The following HDAC4 variants were observed in gnomAD, a reference collection of about 807,000 sequenced individuals.
HDAC4 encodes the protein histone deacetylase A.
In HDAC4, 16 loss-of-function variants were observed where a neutral mutation model predicts 135.1. That is an observed-to-expected ratio of 0.12 (90% confidence interval 0.08 to 0.18). HDAC4 has a LOEUF of 0.18. HDAC4 is among the 10% of genes least tolerant of loss of function. The probability of loss-of-function intolerance (pLI) is 1.00; values close to 1 mark genes in which losing one functional copy is unlikely to be tolerated. For missense variants in HDAC4, 1,143 were observed against 1,511.8 expected (o/e 0.76, Z 4.05); for synonymous variants, 685 against 653.4 (o/e 1.05, Z -0.74).
At chr2:239,256,032 T>C (rs546487712) in intron 2 of HDAC4, among the ~76,000 whole-genome samples, 1 of 152,360 alleles carries the variant, frequency 6.6e-6, no homozygotes, top group African/African-American at 2.4e-5. Context: ...TCTCGATTAA[T>C]GCAAATATTA....
At chr2:239,180,720 A>G (rs1393561852) in intron 4 of HDAC4, among the ~76,000 whole-genome samples, 1 of 152,184 alleles carries the variant, frequency 6.6e-6, no homozygotes, top group African/African-American at 2.4e-5. Flanking sequence ...ATTGCCCCTC[A>G]TGAGTGCCCC....
chr2:239,211,229 T>C (rs2046342026), intron 3 of HDAC4, among the ~76,000 whole-genome samples: 1 of 152,348 alleles, frequency 6.6e-6, no homozygotes, highest in East Asian at 1.9e-4. Flanking sequence ...GAAGAAAATA[T>C]ATTATTTCTT....
At chr2:239,089,728 CTTT>C (rs372528457) in intron 18 of HDAC4, 227 of 293,264 alleles carry the variant, frequency 7.7e-4, no homozygotes, top group Middle Eastern at 2.1e-3. Flanking sequence ...CTCTTTGGAG[CTTT>C]TTTTTTTTTT....
At chr2:239,266,868 G>A (rs1302024816) in intron 2 of HDAC4, among the ~76,000 whole-genome samples, 2 of 152,118 alleles carry the variant, frequency 1.3e-5, no homozygotes, top group Non-Finnish European at 2.9e-5. Flanking sequence ...CCACACCCAG[G>A]TGCTGTGGCC....
chr2:239,387,394 C>T (rs1695889388), intron 1 of HDAC4, among the ~76,000 whole-genome samples: 1 of 152,228 alleles, frequency 6.6e-6, no homozygotes, highest in Admixed American at 6.5e-5. Context: ...GGCCGGCCGC[C>T]ACCAACGCAA....
intron 4 of HDAC4, among the ~76,000 whole-genome samples, chr2:239,183,334 T>G (rs1416549763): frequency 6.6e-6 from 1 of 152,264 alleles, no homozygotes; most frequent in Non-Finnish European, 1.5e-5. Flanking sequence ...TTGACTTTCT[T>G]GTGTCTCTTT....
At chr2:239,096,777 C>T (rs2037138505) in intron 16 of HDAC4, among the ~76,000 whole-genome samples, 1 of 150,694 alleles carries the variant, frequency 6.6e-6, no homozygotes, top group South Asian at 2.1e-4. Context: ...ACCCACATGT[C>T]CCACAGACAG....
At chr2:239,078,153 C>G (rs2034952402) in intron 22 of HDAC4, among the ~76,000 whole-genome samples, 1 of 152,162 alleles carries the variant, frequency 6.6e-6, no homozygotes, top group Non-Finnish European at 1.5e-5. Flanking sequence ...CTACAAGCCC[C>G]CACCCCCAGC....
intron 3 of HDAC4, among the ~76,000 whole-genome samples, chr2:239,216,857 C>G (rs1239985367): frequency 1.3e-5 from 2 of 152,206 alleles, no homozygotes; most frequent in African/African-American, 4.8e-5. Context: ...CTAGGCAAGT[C>G]AGAATGTGCA....
chr2:239,399,770 G>T (rs753975640), intron 1 of HDAC4, among the ~76,000 whole-genome samples: 15 of 152,210 alleles, frequency 9.9e-5, no homozygotes, highest in Non-Finnish European at 1.8e-4. Context: ...ACTGCTCTCA[G>T]CAAGCAATTA....
Position 239,176,546 on chromosome 2 carries a change from C to T in HDAC4, c.357G>A (p.Leu119=), listed in dbSNP as rs770492175. 2 of 1,613,220 alleles carry T rather than the reference C, an allele frequency of 1.2e-6. No homozygotes were observed. Among genetic ancestry groups the T allele is most frequent in the South Asian group, 1.1e-5 (1 of 91,074 alleles). The change falls in exon 5 of 27, where the codon CTG becomes CTA. Residue 119 remains leucine (L), a synonymous_variant. Transcript: ENST00000543185. ...GCAGCTCCTGCTGGTGCTTCATGGC[C>T]AGCATCTCCTGTTGTTGCTGCAAGT... ...HEHIKQQQEM[L]AMKHQQELLE...
intron 5 of HDAC4, among the ~76,000 whole-genome samples, chr2:239,174,403 CA>C (rs5839727): frequency 0.86 from 130,387 of 152,088 alleles, 56,013 homozygotes; most frequent in South Asian, 0.97. Context: ...ATTCATTCGG[CA>C]AAAAAAACTT....
At chr2:239,098,511 G>A (rs3791388) in intron 16 of HDAC4, among the ~76,000 whole-genome samples, 13,298 of 152,302 alleles carry the variant, frequency 0.087, 764 homozygotes, top group Admixed American at 0.16. Context: ...AGCTCTGCCC[G>A]GATGCAGCAC....
chr2:239,106,661 T>A (rs58457914), intron 15 of HDAC4, among the ~76,000 whole-genome samples: 1 of 152,212 alleles, frequency 6.6e-6, no homozygotes, highest in African/African-American at 2.4e-5. Context: ...AAATTATGTA[T>A]CACCAATAAA....
Position 239,296,228 on chromosome 2 carries a change from T to C in HDAC4, c.22+56450A>G, listed in dbSNP as rs147112050. Among the ~76,000 whole-genome samples, 51 of 152,302 alleles carry C rather than the reference T, an allele frequency of 3.3e-4. No individual in the cohort carries two copies. In the East Asian group the frequency reaches 9.3e-3, roughly 28 times the overall value. ...CAAAGCACACACACACACGCACATA[T>C]GCAGGTATGCACACATGCACGCACA... On this transcript the variant is annotated intron_variant, in intron 2 of 26. Transcript: ENST00000543185.
intron 13 of HDAC4, 66 bp downstream of exon 13, chr2:239,114,987 T>C: frequency 6.3e-7 from 1 of 1,586,066 alleles, no homozygotes; most frequent in Admixed American, 1.7e-5. Context: ...CCACAGAAGA[T>C]GCCACCTGGG....
At chr2:239,252,244 A>G (rs997404372) in intron 2 of HDAC4, among the ~76,000 whole-genome samples, 1 of 152,200 alleles carries the variant, frequency 6.6e-6, no homozygotes, top group Non-Finnish European at 1.5e-5. Context: ...GTGATGCCAC[A>G]TGAGCCAGCT....
chr2:239,104,806 CGTTA>C (rs2037974822), intron 15 of HDAC4, among the ~76,000 whole-genome samples: 1 of 152,246 alleles, frequency 6.6e-6, no homozygotes, highest in Non-Finnish European at 1.5e-5. Context: ...AGAGATCTGA[CGTTA>C]GACCACAAAT....
At position 239,313,127 on chromosome 2, in the gene HDAC4, G is replaced by A. The variant is rs902506371; in HGVS notation, c.22+39551C>T. On this transcript the variant is annotated intron_variant, in intron 2 of 26. Coordinates refer to ENST00000543185, the MANE Select transcript of HDAC4 (RefSeq NM_001378414.1). This position sits in a 1 kb window ranked among gnomAD's most constrained non-coding sequence, Gnocchi z 5.1. ...TCCCGTGCCTCCCCGGGGGCGTTCC[G>A]AGGTGGCGGAGGAGGAAGCTGCAGC... Among the ~76,000 whole-genome samples, 5 of 152,184 alleles carry A rather than the reference G, an allele frequency of 3.3e-5. No individual in the cohort carries two copies. The highest frequency in any genetic ancestry group is 9.7e-5 in the African/African-American group (4 of 41,434).
Sources: gnomAD v4.1 joint callset for allele counts (sites outside exome capture counted in the v4.1 genomes callset) on GRCh38, gnomAD v4.1.1 for gene constraint, Gnocchi (gnomAD v3.1) non-coding constraint, MANE v1.5 for transcripts, NCBI Gene and HGNC (gene_info 2026-07-23, HGNC 2026-07-21) for gene names.